IGF1R: variants seen among roughly 807,000 people sequenced by gnomAD.
IGF1R encodes the protein insulin like growth factor 1 receptor.
IGF1R carries 44 observed loss-of-function variants against 144.6 expected under a neutral mutation model. That is an observed-to-expected ratio of 0.30 (90% CI 0.24 to 0.39). IGF1R has a LOEUF of 0.39. Among genes scored for constraint, IGF1R ranks in the 10% least tolerant of loss-of-function variants. The pLI, the probability that IGF1R is intolerant of heterozygous loss-of-function variation, is 1.00. For synonymous variants in IGF1R, 795 were observed against 722.8 expected, an observed-to-expected ratio of 1.10 and a Z score of -1.60; for missense variants, 1,355 against 1,833.7, an observed-to-expected ratio of 0.74 and a Z score of 4.77.
intron 8 of IGF1R, among the ~76,000 whole-genome samples, chr15:98,915,504 C>A (rs1246720168): frequency 6.6e-6 from 1 of 152,244 alleles, no homozygotes; most frequent in African/African-American, 2.4e-5. Context: ...TTTCCACTTC[C>A]TCTTTCCATT....
At chr15:98,851,117 G>A (rs2011511717) in intron 2 of IGF1R, among the ~76,000 whole-genome samples, 1 of 152,196 alleles carries the variant, frequency 6.6e-6, no homozygotes, top group Admixed American at 6.5e-5. Context: ...CTCCCGGGCA[G>A]GCAGGGTAAG....
intron 10 of IGF1R, among the ~76,000 whole-genome samples, chr15:98,921,316 G>A (rs2015475505): frequency 6.6e-6 from 1 of 152,184 alleles, no homozygotes; most frequent in Non-Finnish European, 1.5e-5. Context: ...GACCAAAGCA[G>A]CAATTAGAGG....
chr15:98,707,426 TC>T lies in IGF1R; in HGVS notation c.95-135del. 1.1e-6 allele frequency: 1 copy of T among 910,892 alleles called. No individual in the cohort carries two copies. Among genetic ancestry groups the T allele is most frequent in the South Asian group, 1.4e-5 (1 of 69,152 alleles). The allele number at this position is 910,892 out of a possible 1,614,324, so 56.4% of individuals were successfully genotyped here. A position where few individuals can be genotyped will look rare whatever the true frequency, so the allele number is the denominator to read the frequency against. On this transcript the variant is annotated intron_variant, in intron 1 of 20. Transcript: ENST00000650285. This position sits in a 1 kb window ranked among gnomAD's most constrained non-coding sequence, Gnocchi z 6.7. ...AAACTGTCAGTCTGCAACCCACAGC[TC>T]TGCAGTGAACAATTGAACCTCATTT...
chr15:98,773,315 A>G (rs531832281), intron 2 of IGF1R, among the ~76,000 whole-genome samples: 2 of 152,278 alleles, frequency 1.3e-5, no homozygotes, highest in African/African-American at 2.4e-5. Flanking sequence ...GTTGGCCTCA[A>G]TGTTCAGCTT....
At chr15:98,711,257 A>G (rs2053984987) in intron 2 of IGF1R, among the ~76,000 whole-genome samples, 1 of 152,224 alleles carries the variant, frequency 6.6e-6, no homozygotes, top group African/African-American at 2.4e-5. Context: ...CATTAAGCAC[A>G]GAAGAATCCC....
At chr15:98,902,705 C>T (rs1257548533) in intron 5 of IGF1R, among the ~76,000 whole-genome samples, 3 of 152,186 alleles carry the variant, frequency 2.0e-5, no homozygotes, top group Non-Finnish European at 4.4e-5. Context: ...TGAGCCACCA[C>T]GCCCGGCCTT....
chr15:98,701,847 C>T (rs1286757022), intron 1 of IGF1R, among the ~76,000 whole-genome samples: 1 of 152,120 alleles, frequency 6.6e-6, no homozygotes, highest in East Asian at 1.9e-4. Context: ...TACTTAATAA[C>T]AGCTGCTAAA....
At chr15:98,830,094 A>G (rs1210932817) in intron 2 of IGF1R, among the ~76,000 whole-genome samples, 1 of 152,144 alleles carries the variant, frequency 6.6e-6, no homozygotes, top group Non-Finnish European at 1.5e-5. Context: ...CCAACCTGGA[A>G]TCTCTTTCTT....
chr15:98,817,582 G>T (rs1310350583), intron 2 of IGF1R, among the ~76,000 whole-genome samples: 1 of 152,024 alleles, frequency 6.6e-6, no homozygotes, highest in African/African-American at 2.4e-5. Context: ...TCAGGAGAAA[G>T]GATAAGAAGA....
intron 2 of IGF1R, among the ~76,000 whole-genome samples, chr15:98,855,713 C>T (rs2011772915): frequency 6.6e-6 from 1 of 152,158 alleles, no homozygotes; most frequent in Non-Finnish European, 1.5e-5. Context: ...GCTTATAGGT[C>T]AGACTTCTGG....
At chr15:98,834,753 C>A (rs1006234548) in intron 2 of IGF1R, among the ~76,000 whole-genome samples, 1 of 152,144 alleles carries the variant, frequency 6.6e-6, no homozygotes, top group Non-Finnish European at 1.5e-5. Flanking sequence ...GCATCCTTTG[C>A]CCCTGGACAT....
At chr15:98,696,961 G>A (rs2053609868) in intron 1 of IGF1R, among the ~76,000 whole-genome samples, 1 of 152,156 alleles carries the variant, frequency 6.6e-6, no homozygotes, top group Non-Finnish European at 1.5e-5. Context: ...TCAGGGATGC[G>A]GATTGTCCTC....
At chr15:98,740,729 T>G (rs2054718306) in intron 2 of IGF1R, among the ~76,000 whole-genome samples, 1 of 152,222 alleles carries the variant, frequency 6.6e-6, no homozygotes, top group African/African-American at 2.4e-5. Flanking sequence ...CTGTGCTGTG[T>G]AGCTTCCATT....
chr15:98,666,380 T>A (rs887085578), intron 1 of IGF1R, among the ~76,000 whole-genome samples: 1 of 151,812 alleles, frequency 6.6e-6, no homozygotes. Flanking sequence ...CACTTTGGGG[T>A]ATATGCCCAA....
At chr15:98,880,119 G>T (rs2013294468) in intron 2 of IGF1R, among the ~76,000 whole-genome samples, 1 of 152,140 alleles carries the variant, frequency 6.6e-6, no homozygotes, top group African/African-American at 2.4e-5. Flanking sequence ...GAGTTATAGG[G>T]TATGTGAATT....
At chr15:98,711,511 C>T (rs199752826) in intron 2 of IGF1R, among the ~76,000 whole-genome samples, 25 of 152,150 alleles carry the variant, frequency 1.6e-4, no homozygotes, top group Non-Finnish European at 3.1e-4. Flanking sequence ...CTGTATTTCT[C>T]GGTTCTTTTT....
At chr15:98,940,245 A>G (rs1177318027) in intron 18 of IGF1R, among the ~76,000 whole-genome samples, 1 of 152,222 alleles carries the variant, frequency 6.6e-6, no homozygotes, top group East Asian at 1.9e-4. Flanking sequence ...GAGATTTAAC[A>G]CCCAAAAGAA....
chr15:98,826,116 G>A (rs999837248), intron 2 of IGF1R, among the ~76,000 whole-genome samples: 1 of 152,244 alleles, frequency 6.6e-6, no homozygotes, highest in African/African-American at 2.4e-5. Context: ...TATGGTAGTA[G>A]TGGTTGATAT....
At chr15:98,665,943 C>T (rs1356807921) in intron 1 of IGF1R, among the ~76,000 whole-genome samples, 1 of 152,218 alleles carries the variant, frequency 6.6e-6, no homozygotes, top group African/African-American at 2.4e-5. Flanking sequence ...CGAATATTGC[C>T]TATGGTGGTA....
Sources: gnomAD v4.1 joint callset for allele counts (sites outside exome capture counted in the v4.1 genomes callset) on GRCh38, gnomAD v4.1.1 for gene constraint, Gnocchi (gnomAD v3.1) non-coding constraint, MANE v1.5 for transcripts, NCBI Gene and HGNC (gene_info 2026-07-23, HGNC 2026-07-21) for gene names.